The following RPS6KA6 variants were observed in gnomAD, a reference collection of about 807,000 sequenced individuals.
RPS6KA6 encodes ribosomal protein S6 kinase A6, also known as ribosomal protein S6 kinase alpha-6.
RPS6KA6 carries 27 observed loss-of-function variants against 65.4 expected under a neutral mutation model. The observed-to-expected ratio is 0.41, with a 90% CI of 0.30 to 0.57. The LOEUF (loss-of-function observed/expected upper bound fraction) is 0.57. Among genes scored for constraint, RPS6KA6 ranks in the 20% least tolerant of loss-of-function variants. The pLI is 0.24. For missense variants in RPS6KA6, 486 were observed against 555.6 expected (o/e 0.87, Z 1.26); for synonymous variants, 190 against 184.2 (o/e 1.03, Z -0.26).
chrX:84,172,087 G>A (rs1026708675), intron 1 of RPS6KA6, among the ~76,000 whole-genome samples: 4 of 111,768 alleles, frequency 3.6e-5, no homozygotes, highest in Admixed American at 1.9e-4. Context: ...ATCACTGATG[G>A]GCATTTAGGT....
chrX:84,072,265 CA>C (rs1397567777), intron 20 of RPS6KA6, among the ~76,000 whole-genome samples: 1 of 111,965 alleles, frequency 8.9e-6, no homozygotes, highest in African/African-American at 3.2e-5. Context: ...TGCAAATTAA[CA>C]CATAATACAT....
At chrX:84,141,676 A>G (rs2035106596) in intron 6 of RPS6KA6, among the ~76,000 whole-genome samples, 1 of 111,494 alleles carries the variant, frequency 9.0e-6, no homozygotes, top group African/African-American at 3.3e-5. Flanking sequence ...ATATGGAAAA[A>G]GATATACCAA....
intron 20 of RPS6KA6, among the ~76,000 whole-genome samples, chrX:84,078,712 A>T (rs1010476350): frequency 1.8e-5 from 2 of 112,224 alleles, no homozygotes; most frequent in Non-Finnish European, 3.8e-5. Context: ...ATAAACATTT[A>T]AAAAAATATA....
intron 17 of RPS6KA6, among the ~76,000 whole-genome samples, chrX:84,102,608 T>G (rs1356102140): frequency 9.0e-6 from 1 of 110,633 alleles, no homozygotes; most frequent in African/African-American, 3.3e-5. Context: ...CCCCCCTCCT[T>G]GAAGTAAACA....
chrX:84,082,174 C>T (rs1363393956), intron 20 of RPS6KA6, among the ~76,000 whole-genome samples: 1 of 111,787 alleles, frequency 8.9e-6, no homozygotes, highest in South Asian at 3.7e-4. Context: ...TTGCAGATGA[C>T]ATTATTGTAT....
Position 84,060,475 on chromosome X carries a change from T to TG in RPS6KA6, c.*3801dup, listed in dbSNP as rs1294941664. On this transcript the variant is annotated 3_prime_UTR_variant, in exon 22 of 22. Coordinates refer to ENST00000262752, the MANE Select transcript of RPS6KA6 (RefSeq NM_014496.5). ...TTTTTTCTTTATAACAGGAATGGGA[T>TG]GGGGGGTGGGGGGAATAAAACTTCT... is the stretch of plus-strand genomic sequence containing the variant. 17 of 92,974 alleles carry TG rather than the reference T, an allele frequency of 1.8e-4. No individual in the cohort carries two copies. Among genetic ancestry groups the TG allele is most frequent in the African/African-American group, 5.2e-4 (13 of 24,913 alleles). The allele number at this position is 92,974 out of a possible 1,213,427, so 7.7% of individuals were successfully genotyped here.
At chrX:84,106,192 C>CATA (rs1330839960) in intron 15 of RPS6KA6, among the ~76,000 whole-genome samples, 173 bp downstream of exon 15, 1 of 111,762 alleles carries the variant, frequency 8.9e-6, no homozygotes, top group African/African-American at 3.2e-5. Flanking sequence ...ACTGTTCCTA[C>CATA]ATAACAAAGG....
chrX:84,083,038 C>G (rs893537911), intron 20 of RPS6KA6, among the ~76,000 whole-genome samples: 1 of 111,994 alleles, frequency 8.9e-6, no homozygotes, highest in East Asian at 2.8e-4. Context: ...TAGGCATGGG[C>G]AACTACTTCA....
chrX:84,154,063 A>G (rs937758907), intron 3 of RPS6KA6, among the ~76,000 whole-genome samples: 7 of 111,558 alleles, frequency 6.3e-5, no homozygotes, highest in African/African-American at 2.3e-4. Flanking sequence ...AAAACCCATG[A>G]GAGAAATTTC....
intron 14 of RPS6KA6, among the ~76,000 whole-genome samples, chrX:84,106,693 C>A (rs1242933540): frequency 9.0e-6 from 1 of 111,213 alleles, no homozygotes; most frequent in Non-Finnish European, 1.9e-5. Context: ...ATACATCACC[C>A]TTCTATTTTA....
chrX:84,111,955 A>G (rs1826202836), intron 12 of RPS6KA6, among the ~76,000 whole-genome samples: 1 of 111,858 alleles, frequency 8.9e-6, no homozygotes, highest in South Asian at 3.7e-4. Flanking sequence ...ATAGCTAAGC[A>G]CATCTACAGA....
chrX:84,135,524 A>G (rs1159593008), intron 6 of RPS6KA6, among the ~76,000 whole-genome samples: 1 of 111,631 alleles, frequency 9.0e-6, no homozygotes, highest in Non-Finnish European at 1.9e-5. Context: ...TTATAAAGTG[A>G]CTTTGCCTCA....
In RPS6KA6 at chrX:84,064,161, A is replaced by C; in HGVS notation, c.*116T>G. 2 of 814,705 alleles carry C rather than the reference A, an allele frequency of 2.5e-6. No individual in the cohort carries two copies. The highest frequency in any genetic ancestry group is 5.7e-5 in the South Asian group (2 of 34,939). The allele number at this position is 814,705 out of a possible 1,213,427, so 67.1% of individuals were successfully genotyped here. A position where few individuals can be genotyped will look rare whatever the true frequency, so the allele number is the denominator to read the frequency against. On this transcript the variant is annotated 3_prime_UTR_variant, in exon 22 of 22. Transcript: ENST00000262752. ...TCACTTCCCCTAAAAATGGGGATTT[A>C]ATATTACTTAATATTCAAGTAATTT...
At chrX:84,085,883 C>G (rs996072737) in intron 20 of RPS6KA6, among the ~76,000 whole-genome samples, 1 of 111,539 alleles carries the variant, frequency 9.0e-6, no homozygotes, top group African/African-American at 3.3e-5. Flanking sequence ...GATTCAATTT[C>G]TTCCTGGTTG....
At chrX:84,155,651 C>T (rs911399772) in intron 3 of RPS6KA6, among the ~76,000 whole-genome samples, 3 of 112,056 alleles carry the variant, frequency 2.7e-5, no homozygotes, top group Non-Finnish European at 5.6e-5. Context: ...AGATGACAGA[C>T]GAATTCATAC....
chrX:84,089,255 A>G (rs1040053357), intron 20 of RPS6KA6, among the ~76,000 whole-genome samples: 3 of 111,598 alleles, frequency 2.7e-5, no homozygotes, highest in Admixed American at 9.5e-5. Flanking sequence ...AGAATGACTG[A>G]CCCAACCAAA....
chrX:84,097,880 C>T, intron 18 of RPS6KA6, 32 bp from the exon 19 acceptor site: 1 of 997,855 alleles, frequency 1.0e-6, no homozygotes, highest in Non-Finnish European at 1.4e-6. Context: ...TATGGTGTTA[C>T]TCAATATAAA....
chrX:84,102,206 A>G lies in RPS6KA6; in HGVS notation c.1615-8T>C. The G allele has an allele frequency of 9.9e-7, 1 of 1,008,332 alleles. No homozygotes were observed. The highest frequency in any genetic ancestry group is 1.3e-6 in the Non-Finnish European group (1 of 756,326). 83.1% of individuals were successfully genotyped at this position (1,008,332 alleles called of 1,213,427 possible). ...AAGATCACGATGAACAACCTTGAAT[A>G]TAAAGGAAAAAAGCATTATATCTAT... is the stretch of plus-strand genomic sequence containing the variant. On this transcript the variant is annotated splice_polypyrimidine_tract_variant and splice_region_variant and intron_variant, in intron 17 of 21. Coordinates refer to ENST00000262752, the MANE Select transcript of RPS6KA6 (RefSeq NM_014496.5).
Position 84,097,792 on chromosome X carries a change from A to G in RPS6KA6, c.1833T>C (p.Leu611=). 8.4e-7 allele frequency: 1 copy of G among 1,194,559 alleles called. No individual in the cohort carries two copies. Among genetic ancestry groups the G allele is most frequent in the African/African-American group, 1.7e-5 (1 of 57,408 alleles). Residue 611 remains leucine (L), a synonymous_variant, in exon 19 of 22, where the codon CTT becomes CTC. Coordinates refer to ENST00000262752, the MANE Select transcript of RPS6KA6 (RefSeq NM_014496.5). Reference sequence around the variant, plus strand: ...CTTACCCAGCCAACATTGTGTAAAAAAGGACTCCTAAACTCCAGATATCAC... The same window carrying G: ...CTTACCCAGCCAACATTGTGTAAAAGAGGACTCCTAAACTCCAGATATCAC... The part of the protein sequence containing the change: ...AACDIWSLGV[L]FYTMLAGYTP...
Sources: allele counts gnomAD v4.1 joint callset (sites outside exome capture counted in the v4.1 genomes callset), GRCh38; gene constraint gnomAD v4.1.1; transcripts MANE v1.5; gene names NCBI Gene and HGNC (gene_info 2026-07-23, HGNC 2026-07-21).